The following DMD variants were observed in gnomAD, a reference collection of about 807,000 sequenced individuals.
DMD encodes mutant dystrophin.
A neutral mutation model predicts 330.1 loss-of-function variants in DMD; 63 were observed. That is an observed-to-expected ratio of 0.19 (90% CI 0.16 to 0.24). The LOEUF (loss-of-function observed/expected upper bound fraction) is 0.24, where lower values mean the gene tolerates loss of function less well. Ranked by LOEUF, DMD falls within the 10% of genes least tolerant of loss-of-function variation. The probability of loss-of-function intolerance (pLI) is 1.00; values close to 1 mark genes in which losing one functional copy is unlikely to be tolerated. For missense variants in DMD, 3,344 were observed against 2,684.1 expected (o/e 1.25, Z -5.43); for synonymous variants, 1,223 against 959.8 (o/e 1.27, Z -5.07).
intron 2 of DMD, among the ~76,000 whole-genome samples, chrX:32,996,124 C>T (rs2093112322): frequency 9.0e-6 from 1 of 111,724 alleles, no homozygotes; most frequent in Admixed American, 9.5e-5. Context: ...AGCTCTCAAA[C>T]CTTGTTCGAT....
intron 2 of DMD, among the ~76,000 whole-genome samples, chrX:32,927,855 T>A (rs2089210950): frequency 9.0e-6 from 1 of 110,825 alleles, no homozygotes; most frequent in South Asian, 3.8e-4. Context: ...AGAAAAAAAA[T>A]AGACATGTGT....
At chrX:31,553,444 A>G (rs2074613417) in intron 55 of DMD, among the ~76,000 whole-genome samples, 1 of 111,818 alleles carries the variant, frequency 8.9e-6, no homozygotes, top group African/African-American at 3.3e-5. Context: ...CGTTTTTTTT[A>G]CCATTAAAAG....
intron 1 of DMD, among the ~76,000 whole-genome samples, chrX:33,043,359 T>C (rs1403101184): frequency 2.7e-5 from 3 of 111,936 alleles, no homozygotes; most frequent in Non-Finnish European, 3.8e-5. Context: ...AAGGTTTCAC[T>C]GAACCATTAG....
chrX:32,387,927 T>C (rs2097970756), intron 32 of DMD, among the ~76,000 whole-genome samples: 1 of 111,662 alleles, frequency 9.0e-6, no homozygotes, highest in South Asian at 3.7e-4. Context: ...AGTAAAATAT[T>C]TATAAACAAA....
intron 43 of DMD, among the ~76,000 whole-genome samples, chrX:32,261,399 C>A (rs917981856): frequency 2.7e-5 from 3 of 111,427 alleles, no homozygotes; most frequent in Admixed American, 1.9e-4. Flanking sequence ...AAAAAGTGTA[C>A]AGAATCCAGT....
chrX:32,884,022 AT>A (rs1339874853), intron 2 of DMD, among the ~76,000 whole-genome samples: 19 of 109,471 alleles, frequency 1.7e-4, no homozygotes, highest in South Asian at 1.2e-3. Flanking sequence ...TCTGGTTTTG[AT>A]GTACTCTATC....
intron 64 of DMD, among the ~76,000 whole-genome samples, chrX:31,212,178 A>G (rs5016810): frequency 0.13 from 9,451 of 75,152 alleles, 501 homozygotes; most frequent in African/African-American, 0.22. Context: ...GTGTGTGTGT[A>G]TGTGTGTGTG....
intron 7 of DMD, among the ~76,000 whole-genome samples, chrX:32,754,434 C>T (rs771747286): frequency 9.1e-6 from 1 of 110,275 alleles, no homozygotes; most frequent in Non-Finnish European, 1.9e-5. Context: ...TCTCCCAAGT[C>T]AATATGGTTA....
intron 17 of DMD, among the ~76,000 whole-genome samples, chrX:32,543,635 A>G (rs754866133): frequency 1.2e-3 from 137 of 112,368 alleles, no homozygotes; most frequent in African/African-American, 3.9e-3. Context: ...AAAGAAATTC[A>G]TCAAAAGCTT....
intron 11 of DMD, among the ~76,000 whole-genome samples, chrX:32,639,279 C>T (rs1432401865): frequency 9.0e-6 from 1 of 110,938 alleles, no homozygotes; most frequent in Non-Finnish European, 1.9e-5. Flanking sequence ...TTCTGTTTTC[C>T]CTGTGCCAGT....
chrX:31,442,146 A>C (rs1379910077), intron 60 of DMD, among the ~76,000 whole-genome samples: 1 of 112,052 alleles, frequency 8.9e-6, no homozygotes. Flanking sequence ...ATTATGAATA[A>C]AGAAAGGAAC....
intron 2 of DMD, among the ~76,000 whole-genome samples, chrX:32,971,063 G>C (rs2092361661): frequency 9.0e-6 from 1 of 110,886 alleles, no homozygotes; most frequent in Non-Finnish European, 1.9e-5. Flanking sequence ...CCGGGTTCAA[G>C]TGATTCTCCT....
intron 2 of DMD, among the ~76,000 whole-genome samples, chrX:32,863,701 A>G (rs1336169796): frequency 9.0e-6 from 1 of 110,851 alleles, no homozygotes; most frequent in African/African-American, 3.3e-5. Context: ...AGGAAACATT[A>G]TGGACAAAGG....
intron 17 of DMD, among the ~76,000 whole-genome samples, chrX:32,520,637 T>C (rs2046327283): frequency 9.0e-6 from 1 of 111,550 alleles, no homozygotes; most frequent in African/African-American, 3.3e-5. Flanking sequence ...GAGCCCCAGT[T>C]CCTTCCAGCA....
intron 44 of DMD, among the ~76,000 whole-genome samples, chrX:32,182,131 C>T (rs975465039): frequency 2.4e-4 from 27 of 111,679 alleles, no homozygotes; most frequent in African/African-American, 8.8e-4. Flanking sequence ...AAGCTTTGTC[C>T]ATTATGCTCC....
chrX:32,538,781 C>T (rs974280061), intron 17 of DMD, among the ~76,000 whole-genome samples: 1 of 111,267 alleles, frequency 9.0e-6, no homozygotes, highest in Admixed American at 9.5e-5. Flanking sequence ...ACTCTGGTGA[C>T]TCCGACGCAT....
intron 43 of DMD, among the ~76,000 whole-genome samples, chrX:32,266,053 C>T (rs2097343067): frequency 9.0e-6 from 1 of 111,451 alleles, no homozygotes; most frequent in African/African-American, 3.3e-5. Context: ...TTGGCTATGT[C>T]CCCACCCAAA....
In DMD at chrX:32,483,591, G is replaced by A. The variant is rs762208139; in HGVS notation, c.2803+1328C>T. 4.6e-5 allele frequency among the ~76,000 whole-genome samples: 5 copies of A among 109,106 alleles called. No individual in the cohort carries two copies. The South Asian group carries it at 2.0e-3, about 43-fold the overall frequency. The allele number at this position is 109,106 out of a possible 115,157, so 94.7% of individuals were successfully genotyped here. On this transcript the variant is annotated intron_variant, in intron 21 of 78. Transcript: ENST00000357033. ...AACAATTGCTGCATAGCCACTAAAT[G>A]TATTTAACTTTAAGGGGGAGTTATG...
chrX:32,771,187 G>A (rs1333112335), intron 7 of DMD, among the ~76,000 whole-genome samples: 1 of 111,880 alleles, frequency 8.9e-6, no homozygotes, highest in Non-Finnish European at 1.9e-5. Flanking sequence ...TATCTCCAGT[G>A]AAACACTTTT....
Sources: gnomAD v4.1 joint callset for allele counts (sites outside exome capture counted in the v4.1 genomes callset) on GRCh38, gnomAD v4.1.1 for gene constraint, MANE v1.5 for transcripts, NCBI Gene and HGNC (gene_info 2026-07-23, HGNC 2026-07-21) for gene names.